Variants in FGF13 observed in about 807,000 individuals in gnomAD.
The protein encoded by FGF13 is fibroblast growth factor homologous factor 2.
Under a neutral mutation model 19.5 loss-of-function variants are expected in FGF13, and 2 were observed. The observed-to-expected ratio is 0.10, with a 90% CI of 0.04 to 0.32. The LOEUF is 0.32. FGF13 is among the 10% of genes least tolerant of loss of function. The probability of loss-of-function intolerance (pLI) is 1.00; values close to 1 mark genes in which losing one functional copy is unlikely to be tolerated. For missense variants in FGF13, 113 were observed against 192.7 expected (o/e 0.59, Z 2.45); for synonymous variants, 72 against 76.9 (o/e 0.94, Z 0.33).
At chrX:138,705,077 A>G (rs2089981249) in intron 2 of FGF13, among the ~76,000 whole-genome samples, 2 of 111,973 alleles carry the variant, frequency 1.8e-5, no homozygotes, top group Admixed American at 1.9e-4. Context: ...TAAAAAACTA[A>G]AGCAAAACTT....
chrX:139,157,229 A>T (rs1323774583), intron 1 of FGF13, among the ~76,000 whole-genome samples: 1 of 111,599 alleles, frequency 9.0e-6, no homozygotes, highest in Non-Finnish European at 1.9e-5. Context: ...CACACGACTA[A>T]TAAGTGGCAA....
chrX:138,783,771 T>G (rs1318486393), intron 3 of FGF13, among the ~76,000 whole-genome samples: 1 of 108,518 alleles, frequency 9.2e-6, no homozygotes, highest in African/African-American at 3.3e-5. Flanking sequence ...TCCTCAGGGA[T>G]CTAGAACTGG....
chrX:138,876,629 G>C (rs2091390706), intron 1 of FGF13, among the ~76,000 whole-genome samples: 1 of 111,956 alleles, frequency 8.9e-6, no homozygotes. Flanking sequence ...ACAATCACAT[G>C]AGCTTAGAAG....
intron 1 of FGF13, among the ~76,000 whole-genome samples, chrX:139,096,746 C>T (rs7877537): frequency 0.22 from 23,896 of 110,995 alleles, 2,285 homozygotes; most frequent in African/African-American, 0.37. Context: ...TCAGTCAATG[C>T]TATGAGTAAC....
intron 1 of FGF13, among the ~76,000 whole-genome samples, chrX:138,933,544 C>G (rs1311252679): frequency 8.9e-6 from 1 of 111,910 alleles, no homozygotes; most frequent in Non-Finnish European, 1.9e-5. Flanking sequence ...CAAAGCTAAT[C>G]TCTAAGTTTC....
At chrX:138,679,743 G>A (rs780537070) in intron 3 of FGF13, among the ~76,000 whole-genome samples, 1 of 111,801 alleles carries the variant, frequency 8.9e-6, no homozygotes, top group Non-Finnish European at 1.9e-5. Flanking sequence ...GGTTTTGCCT[G>A]GATGTTAATT....
intron 1 of FGF13, among the ~76,000 whole-genome samples, chrX:138,976,113 T>G (rs1010305584): frequency 4.5e-5 from 5 of 111,859 alleles, no homozygotes; most frequent in African/African-American, 1.6e-4. Flanking sequence ...TGTTATGCGC[T>G]GGACTCGGGA....
At chrX:138,940,564 G>C (rs937701313) in intron 1 of FGF13, among the ~76,000 whole-genome samples, 11 of 111,542 alleles carry the variant, frequency 9.9e-5, no homozygotes, top group Non-Finnish European at 2.1e-4. Context: ...ATAGTTTTAG[G>C]TTTTACATTT....
intron 3 of FGF13, among the ~76,000 whole-genome samples, chrX:138,758,834 C>A (rs1287571207): frequency 8.9e-6 from 1 of 112,197 alleles, no homozygotes; most frequent in Non-Finnish European, 1.9e-5. Flanking sequence ...AACAGCTCCA[C>A]AATCAATTAT....
At chrX:138,934,397 A>G (rs1370509839) in intron 1 of FGF13, among the ~76,000 whole-genome samples, 2 of 112,276 alleles carry the variant, frequency 1.8e-5, no homozygotes, top group African/African-American at 6.5e-5. Context: ...GATCACATCT[A>G]AAAAGTGCTT....
intron 1 of FGF13, among the ~76,000 whole-genome samples, chrX:139,017,185 ACTT>A (rs2092157575): frequency 9.2e-6 from 1 of 109,146 alleles, no homozygotes; most frequent in Admixed American, 9.8e-5. Context: ...GGGGGATCAA[ACTT>A]CTTACAAAAT....
chrX:138,766,399 G>A (rs1470480917), intron 3 of FGF13, among the ~76,000 whole-genome samples: 1 of 111,976 alleles, frequency 8.9e-6, no homozygotes, highest in Admixed American at 9.5e-5. Context: ...TTGCACAGTG[G>A]TCGTTCCACT....
intron 1 of FGF13, among the ~76,000 whole-genome samples, chrX:138,728,360 G>C (rs747454703): frequency 1.1e-4 from 12 of 111,220 alleles, no homozygotes; most frequent in Non-Finnish European, 2.1e-4. Flanking sequence ...AATTTACCAA[G>C]AACAAACTCT....
At chrX:138,670,813 A>G (rs1047683568) in intron 3 of FGF13, among the ~76,000 whole-genome samples, 9 of 112,091 alleles carry the variant, frequency 8.0e-5, no homozygotes, top group Admixed American at 7.6e-4. Flanking sequence ...CACTAATTAT[A>G]TATCATTTCA....
chrX:138,769,561 T>C (rs904173611), intron 3 of FGF13, among the ~76,000 whole-genome samples: 1 of 112,051 alleles, frequency 8.9e-6, no homozygotes, highest in Non-Finnish European at 1.9e-5. Context: ...TAAGTTAAAA[T>C]GTGGAAAGTG....
chrX:138,664,204 GTTT>G (rs1343941216), intron 3 of FGF13, among the ~76,000 whole-genome samples: 1 of 111,771 alleles, frequency 8.9e-6, no homozygotes, highest in East Asian at 2.8e-4. Context: ...AGAACAATTT[GTTT>G]GATTGATGCA....
intron 3 of FGF13, among the ~76,000 whole-genome samples, chrX:138,773,925 A>C (rs1318260583): frequency 9.0e-6 from 1 of 111,424 alleles, no homozygotes; most frequent in Non-Finnish European, 1.9e-5. Flanking sequence ...TCACAAATAT[A>C]CACGTGAATA....
At chrX:139,083,996 G>A (rs767524426) in intron 1 of FGF13, among the ~76,000 whole-genome samples, 2 of 110,870 alleles carry the variant, frequency 1.8e-5, no homozygotes, top group South Asian at 7.8e-4. Context: ...TGCCGAGATG[G>A]GGGACTGGTG....
At chrX:139,027,804 A>C (rs1431917006) in intron 1 of FGF13, among the ~76,000 whole-genome samples, 5 of 111,894 alleles carry the variant, frequency 4.5e-5, no homozygotes, top group African/African-American at 1.6e-4. Context: ...CCAAAAAAAA[A>C]TGAAAGGAAA....
Sources: gnomAD v4.1 joint callset for allele counts (sites outside exome capture counted in the v4.1 genomes callset) on GRCh38, gnomAD v4.1.1 for gene constraint, MANE v1.5 for transcripts, NCBI Gene and HGNC (gene_info 2026-07-23, HGNC 2026-07-21) for gene names.